Variants in NAV3 observed in about 807,000 individuals in gnomAD.
The protein encoded by NAV3 is pore membrane and/or filament interacting like protein 1.
A neutral mutation model predicts 244.7 loss-of-function variants in NAV3; 87 were observed. That is an observed-to-expected ratio of 0.36 (90% CI 0.30 to 0.42). The LOEUF (loss-of-function observed/expected upper bound fraction) is 0.42. Ranked by LOEUF, NAV3 falls within the 20% of genes least tolerant of loss-of-function variation. NAV3 has a pLI of 1.00. For synonymous variants in NAV3, 1,126 were observed against 1,042.2 expected (o/e 1.08, Z -1.55); for missense variants, 2,663 against 2,893.3 (o/e 0.92, Z 1.83).
chr12:78,078,432 G>T, intron 12 of NAV3, among the ~76,000 whole-genome samples: 1 of 112,670 alleles, frequency 8.9e-6, no homozygotes, highest in African/African-American at 3.5e-5. Flanking sequence ...GTCTCGCTCT[G>T]TCGCCCAGGC....
intron 2 of NAV3, among the ~76,000 whole-genome samples, chr12:77,628,068 G>A (rs1871717304): frequency 6.6e-6 from 1 of 152,122 alleles, no homozygotes; most frequent in East Asian, 1.9e-4. Context: ...AACAGGAGGA[G>A]TAAGTTCTAG....
At chr12:77,687,619 A>C (rs532923290) in intron 2 of NAV3, among the ~76,000 whole-genome samples, 2 of 152,160 alleles carry the variant, frequency 1.3e-5, no homozygotes, top group African/African-American at 4.8e-5. Flanking sequence ...ATAACAGATC[A>C]AATTTGAGCA....
At chr12:78,128,907 A>G in intron 18 of NAV3, 41 bp downstream of exon 18, 1 of 1,577,936 alleles carries the variant, frequency 6.3e-7, no homozygotes, top group South Asian at 1.1e-5. Context: ...TGTTTCTTTC[A>G]CCACCCACTC....
chr12:78,204,334 A>T (rs1188357899), intron 38 of NAV3, among the ~76,000 whole-genome samples: 1 of 152,128 alleles, frequency 6.6e-6, no homozygotes, highest in Admixed American at 6.6e-5. Flanking sequence ...GTGCACATGT[A>T]CCCTAAAACT....
At chr12:77,995,157 A>G (rs1340133646) in intron 6 of NAV3, among the ~76,000 whole-genome samples, 1 of 152,166 alleles carries the variant, frequency 6.6e-6, no homozygotes, top group Non-Finnish European at 1.5e-5. Context: ...ATTACTTTGA[A>G]TGCCCAATTC....
chr12:77,742,063 A>G (rs969648239), intron 2 of NAV3, among the ~76,000 whole-genome samples: 1 of 152,072 alleles, frequency 6.6e-6, no homozygotes, highest in Non-Finnish European at 1.5e-5. Context: ...ATTAATATTC[A>G]TAATATCTTA....
At chr12:77,844,380 C>T (rs1876257583) in intron 1 of NAV3, among the ~76,000 whole-genome samples, 2 of 152,138 alleles carry the variant, frequency 1.3e-5, no homozygotes, top group Non-Finnish European at 2.9e-5. Context: ...TTTAAAGGCC[C>T]AACCTGTAAA....
At chr12:77,630,567 G>C (rs1352817315) in intron 2 of NAV3, among the ~76,000 whole-genome samples, 1 of 152,066 alleles carries the variant, frequency 6.6e-6, no homozygotes, top group Non-Finnish European at 1.5e-5. Context: ...CTCCTCCCCA[G>C]TACCTTGCCC....
At chr12:77,628,448 A>G (rs952410217) in intron 2 of NAV3, among the ~76,000 whole-genome samples, 2 of 152,236 alleles carry the variant, frequency 1.3e-5, no homozygotes, top group Non-Finnish European at 2.9e-5. Flanking sequence ...ACTGTTGCTT[A>G]ACAACATGAT....
At chr12:77,642,113 A>G (rs1468292720) in intron 2 of NAV3, among the ~76,000 whole-genome samples, 2 of 152,026 alleles carry the variant, frequency 1.3e-5, no homozygotes, top group African/African-American at 4.8e-5. Flanking sequence ...ACTGCCCTTC[A>G]GTTTAGTGTC....
intron 2 of NAV3, among the ~76,000 whole-genome samples, chr12:77,788,325 A>G (rs1871003771): frequency 1.3e-5 from 2 of 152,230 alleles, no homozygotes; most frequent in African/African-American, 4.8e-5. Context: ...TAAATGCGGC[A>G]TTTACTTCTC....
chr12:77,885,656 A>T (rs1393486454), intron 1 of NAV3, among the ~76,000 whole-genome samples: 1 of 152,072 alleles, frequency 6.6e-6, no homozygotes, highest in African/African-American at 2.4e-5. Context: ...ACCTATGCCC[A>T]TTTCCTTCTC....
upstream of NAV3, among the ~76,000 whole-genome samples, chr12:77,829,417 T>C (rs1055911245): frequency 4.6e-5 from 7 of 152,236 alleles, 1 homozygote; most frequent in African/African-American, 1.7e-4. Flanking sequence ...CTTCCTAGAA[T>C]CAATTTTTCC....
rs1871893023 is a variant in NAV3 at position 77,631,450 on chromosome 12, G to A, written c.72+59184G>A. ...TAAAATGTCCCTGGAAAGCAAAATT[G>A]GCATTATGTTAATCTTTTGGAAAAA... is the stretch of plus-strand genomic sequence containing the variant. On this transcript the variant is annotated intron_variant, in intron 2 of 8. Transcript: ENST00000550042. Among the ~76,000 whole-genome samples the A allele has an allele frequency of 3.3e-5, 5 of 150,402 alleles. No individual in the cohort carries two copies. The South Asian group carries it at 1.0e-3, about 31-fold the overall frequency.
At chr12:78,177,478 T>C (rs1958285869) in intron 27 of NAV3, 142 bp from the exon 28 acceptor site, 2 of 1,117,694 alleles carry the variant, frequency 1.8e-6, no homozygotes, top group Admixed American at 2.8e-5. Flanking sequence ...ACTGGTTTCT[T>C]TCATTTTCAT....
chr12:77,965,235 TATA>T (rs1408489895), intron 3 of NAV3, among the ~76,000 whole-genome samples: 2 of 152,230 alleles, frequency 1.3e-5, no homozygotes, highest in African/African-American at 2.4e-5. Context: ...GTCACTGCTA[TATA>T]ATGTCATGAT....
In NAV3 at chr12:78,006,657, G is replaced by A. The variant is rs373825285; in HGVS notation, c.1119G>A (p.Gly373=). ...GACTGAAGCCACCTGTCTCAGAAGGGGTCAAAACTGCTCCCTCAGGACAGA... is the reference window on the plus strand; with the variant it reads ...GACTGAAGCCACCTGTCTCAGAAGGAGTCAAAACTGCTCCCTCAGGACAGA... ...SDRLKPPVSE[G]VKTAPSGQKS... The change falls in exon 8 of 40, where the codon GGG becomes GGA. Residue 373 remains glycine, a synonymous_variant. Coordinates refer to ENST00000397909, the MANE Select transcript of NAV3 (RefSeq NM_001024383.2). The A allele has an allele frequency of 1.1e-4, 182 of 1,614,084 alleles. No homozygotes were observed. Among genetic ancestry groups the A allele is most frequent in the Middle Eastern group, 1.6e-4 (1 of 6,062 alleles).
At chr12:77,899,838 A>G (rs1368291292) in intron 1 of NAV3, among the ~76,000 whole-genome samples, 3 of 152,202 alleles carry the variant, frequency 2.0e-5, no homozygotes, top group African/African-American at 7.2e-5. Flanking sequence ...ATCTATTAGT[A>G]ATACATATTT....
rs781120478 is a variant in NAV3, at chr12:78,177,246, C to T, written c.5230C>T (p.Pro1744Ser). ...ELTDSSLPAS[P>S]KLPHNAGDCG... Reference sequence around the variant, plus strand: ...TACTGATTCATCCCTTCCGGCATCCCCCAAGTTACCCCATAATGCTGGTGA... The same window carrying T: ...TACTGATTCATCCCTTCCGGCATCCTCCAAGTTACCCCATAATGCTGGTGA... Residue 1744 changes from proline (P) to serine (S), a missense_variant, in exon 27 of 40, where the codon CCC (proline) becomes TCC (serine). Coordinates refer to ENST00000397909, the MANE Select transcript of NAV3 (RefSeq NM_001024383.2). The T allele has an allele frequency of 6.2e-7, 1 of 1,613,550 alleles. No individual in the cohort carries two copies. The highest frequency in any genetic ancestry group is 8.5e-7 in the Non-Finnish European group (1 of 1,179,658).
Sources: gnomAD v4.1 joint callset for allele counts (sites outside exome capture counted in the v4.1 genomes callset) on GRCh38, gnomAD v4.1.1 for gene constraint, MANE v1.5 for transcripts, NCBI Gene and HGNC (gene_info 2026-07-23, HGNC 2026-07-21) for gene names.